The following UBE2E3 variants were observed in gnomAD, a reference collection of about 807,000 sequenced individuals.
The protein encoded by UBE2E3 is ubiquitin-conjugating enzyme E2 E3.
Under a neutral mutation model 23.6 loss-of-function variants are expected in UBE2E3, and 5 were observed. That is an observed-to-expected ratio of 0.21 (90% CI 0.11 to 0.44). The LOEUF is 0.44. Among genes scored for constraint, UBE2E3 ranks in the 20% least tolerant of loss-of-function variants. UBE2E3 has a pLI of 0.99. For synonymous variants in UBE2E3, 78 were observed against 87.5 expected (o/e 0.89, Z 0.60); for missense variants, 81 against 249.8 (o/e 0.32, Z 4.55).
At chr2:181,057,668 C>T (rs758875045) in intron 3 of UBE2E3, 25 bp from the exon 4 acceptor site, 2 of 1,586,352 alleles carry the variant, frequency 1.3e-6, no homozygotes, top group South Asian at 2.2e-5. Flanking sequence ...TATGTACATA[C>T]TGATTTTTAA....
intron 3 of UBE2E3, among the ~76,000 whole-genome samples, chr2:181,016,011 GTTCAA>G (rs1200657372): frequency 1.3e-5 from 2 of 151,480 alleles, no homozygotes; most frequent in East Asian, 1.9e-4. Context: ...ATTAAAATTT[GTTCAA>G]TTCAACTAGC....
At chr2:181,017,084 T>C (rs1348455656) in intron 3 of UBE2E3, among the ~76,000 whole-genome samples, 1 of 151,866 alleles carries the variant, frequency 6.6e-6, no homozygotes, top group East Asian at 1.9e-4. Context: ...AAACTGGAGG[T>C]GGAGACAGAA....
chr2:181,004,982 G>T (rs1417920492), intron 3 of UBE2E3, among the ~76,000 whole-genome samples: 1 of 152,194 alleles, frequency 6.6e-6, no homozygotes, highest in East Asian at 1.9e-4. Flanking sequence ...CATACTGTCA[G>T]CCTATAAGAC....
At chr2:180,981,256 C>A (rs1241277965) in intron 1 of UBE2E3, 2 of 151,760 alleles carry the variant, frequency 1.3e-5, no homozygotes, top group Non-Finnish European at 2.9e-5. Flanking sequence ...TGTTGCACTT[C>A]TTGGGGCTTT....
chr2:181,034,153 T>C (rs563114884), intron 3 of UBE2E3, among the ~76,000 whole-genome samples: 2 of 152,314 alleles, frequency 1.3e-5, no homozygotes, highest in Admixed American at 1.3e-4. Flanking sequence ...GAAATACCAT[T>C]TGACCCACCA....
At chr2:181,023,080 A>G (rs1352451198) in intron 3 of UBE2E3, among the ~76,000 whole-genome samples, 4 of 152,236 alleles carry the variant, frequency 2.6e-5, no homozygotes, top group Admixed American at 6.5e-5. Flanking sequence ...AGTAGAAACC[A>G]TAACCCCGAC....
intron 3 of UBE2E3, among the ~76,000 whole-genome samples, chr2:181,025,237 T>C (rs1459882234): frequency 6.6e-6 from 1 of 151,966 alleles, no homozygotes; most frequent in East Asian, 1.9e-4. Context: ...CCTAATCATA[T>C]CCACTAGCCT....
At chr2:181,024,847 G>A (rs574405547) in intron 3 of UBE2E3, among the ~76,000 whole-genome samples, 1 of 151,742 alleles carries the variant, frequency 6.6e-6, no homozygotes, top group South Asian at 2.1e-4. Flanking sequence ...TTTTAACTTA[G>A]GTAATATTGC....
chr2:181,015,522 A>G (rs1423108844), intron 3 of UBE2E3, among the ~76,000 whole-genome samples: 1 of 152,234 alleles, frequency 6.6e-6, no homozygotes, highest in Non-Finnish European at 1.5e-5. Flanking sequence ...TGATAAAAGT[A>G]TAATCTGGAG....
chr2:181,000,078 T>A (rs924440884), intron 3 of UBE2E3, among the ~76,000 whole-genome samples: 5 of 152,228 alleles, frequency 3.3e-5, no homozygotes, highest in African/African-American at 1.2e-4. Flanking sequence ...TCCAGCTGCC[T>A]TTTGCAATTT....
chr2:181,039,123 C>CTTTT (rs11289425), intron 3 of UBE2E3, among the ~76,000 whole-genome samples: 4 of 66,256 alleles, frequency 6.0e-5, no homozygotes, highest in Non-Finnish European at 8.3e-5. Context: ...AGAATGTGAC[C>CTTTT]TTTTTTTTTT....
chr2:181,037,934 C>T (rs745659536), intron 3 of UBE2E3, among the ~76,000 whole-genome samples: 1 of 152,206 alleles, frequency 6.6e-6, no homozygotes, highest in Non-Finnish European at 1.5e-5. Flanking sequence ...TACCACTGCA[C>T]TCTGGTCTGA....
chr2:180,981,911 G>A, intron 1 of UBE2E3, 107 bp from the exon 2 acceptor site: 1 of 813,580 alleles, frequency 1.2e-6, no homozygotes, highest in South Asian at 1.9e-5. Context: ...GAACACTTTT[G>A]AAGCTTTTTC....
At chr2:181,040,756 CAT>C (rs1686464192) in intron 3 of UBE2E3, among the ~76,000 whole-genome samples, 1 of 152,136 alleles carries the variant, frequency 6.6e-6, no homozygotes, top group Non-Finnish European at 1.5e-5. Context: ...TCAAAATAAT[CAT>C]AGTTTAAAAT....
intron 4 of UBE2E3, among the ~76,000 whole-genome samples, chr2:181,058,986 CT>C (rs752168542): frequency 2.6e-5 from 4 of 151,582 alleles, no homozygotes; most frequent in Admixed American, 6.6e-5. Flanking sequence ...TCCTGGACAC[CT>C]TTTAATGAAA....
chr2:181,047,268 C>G (rs912239699), intron 3 of UBE2E3, among the ~76,000 whole-genome samples: 10 of 152,030 alleles, frequency 6.6e-5, no homozygotes, highest in Non-Finnish European at 1.0e-4. Context: ...ATTATTGGGA[C>G]TTAGGTGTGG....
intron 3 of UBE2E3, among the ~76,000 whole-genome samples, chr2:181,029,609 CTAA>C (rs1686008317): frequency 7.1e-6 from 1 of 140,770 alleles, no homozygotes. Flanking sequence ...CTTTTTAATT[CTAA>C]TAATTTGCTT....
chr2:181,033,856 A>G (rs974383705), intron 3 of UBE2E3, among the ~76,000 whole-genome samples: 3 of 152,234 alleles, frequency 2.0e-5, no homozygotes, highest in Non-Finnish European at 4.4e-5. Flanking sequence ...CCCATCAACA[A>G]GTGGGCGAAG....
In UBE2E3 at chr2:181,032,921, C is replaced by A. The variant is rs140027073; in HGVS notation, c.246-24772C>A. Among the ~76,000 whole-genome samples the A allele has an allele frequency of 4.6e-3, 696 of 152,274 alleles. 6 individuals carry two copies. Among genetic ancestry groups the A allele is most frequent in the African/African-American group, 0.016 (654 of 41,544 alleles). Reference sequence around the variant, plus strand: ...CAGAGCCAAATCATGAGTGAACTCCCATTCACAATTGCTTCAAAGAGAATA... The same window carrying A: ...CAGAGCCAAATCATGAGTGAACTCCAATTCACAATTGCTTCAAAGAGAATA... On this transcript the variant is annotated intron_variant, in intron 3 of 5. Coordinates refer to ENST00000410062, the MANE Select transcript of UBE2E3 (RefSeq NM_006357.4).
Sources: gnomAD v4.1 joint callset for allele counts (sites outside exome capture counted in the v4.1 genomes callset) on GRCh38, gnomAD v4.1.1 for gene constraint, MANE v1.5 for transcripts, NCBI Gene and HGNC (gene_info 2026-07-23, HGNC 2026-07-21) for gene names.